FGF14: variants seen among roughly 807,000 people sequenced by gnomAD.
The protein encoded by FGF14 is fibroblast growth factor homologous factor 4.
In FGF14, 5 loss-of-function variants were observed where a neutral mutation model predicts 25.5. That is an observed-to-expected ratio of 0.20 (90% CI 0.10 to 0.41). The LOEUF is 0.41. Among genes scored for constraint, FGF14 ranks in the 10% least tolerant of loss-of-function variants. FGF14 has a pLI of 1.00. For missense variants in FGF14, 222 were observed against 320.1 expected (o/e 0.69, Z 2.34); for synonymous variants, 138 against 118.3 (o/e 1.17, Z -1.08).
intron 3 of FGF14, among the ~76,000 whole-genome samples, chr13:101,805,748 G>A (rs1187247386): frequency 1.3e-5 from 2 of 151,970 alleles, no homozygotes; most frequent in Non-Finnish European, 2.9e-5. Context: ...CTTCCCACAA[G>A]CAGGTTAACT....
chr13:101,894,511 C>G (rs2030314423), intron 1 of FGF14, among the ~76,000 whole-genome samples: 1 of 152,128 alleles, frequency 6.6e-6, no homozygotes, highest in African/African-American at 2.4e-5. Context: ...ACACAAAGTC[C>G]TGCCCCACAC....
chr13:101,824,698 G>A (rs1325752318), intron 3 of FGF14, among the ~76,000 whole-genome samples: 1 of 152,162 alleles, frequency 6.6e-6, no homozygotes, highest in Non-Finnish European at 1.5e-5. Context: ...CTCCTGAATA[G>A]TCTTAGGATG....
At chr13:102,040,327 C>CT (rs1400907099) in intron 1 of FGF14, among the ~76,000 whole-genome samples, 5 of 152,086 alleles carry the variant, frequency 3.3e-5, no homozygotes, top group Non-Finnish European at 7.4e-5. Flanking sequence ...TCATATTTGT[C>CT]TTTTTTTCTC....
At chr13:102,098,273 T>C (rs1256324240) in intron 1 of FGF14, among the ~76,000 whole-genome samples, 2 of 152,228 alleles carry the variant, frequency 1.3e-5, no homozygotes, top group Non-Finnish European at 2.9e-5. Flanking sequence ...TAGCACTCCA[T>C]TTCTAGAAAG....
At chr13:101,908,192 A>C (rs1197325360) in intron 1 of FGF14, among the ~76,000 whole-genome samples, 1 of 152,190 alleles carries the variant, frequency 6.6e-6, no homozygotes, top group Non-Finnish European at 1.5e-5. Context: ...CTGTGAATTT[A>C]AAGTAGGACC....
chr13:102,194,417 G>A (rs528456056), intron 1 of FGF14, among the ~76,000 whole-genome samples: 4 of 121,556 alleles, frequency 3.3e-5, no homozygotes, highest in South Asian at 2.8e-4. Flanking sequence ...TATTTATCCT[G>A]ATACTCTCCC....
intron 1 of FGF14, among the ~76,000 whole-genome samples, chr13:102,274,538 A>C (rs1260926084): frequency 2.0e-5 from 3 of 152,202 alleles, no homozygotes; most frequent in Non-Finnish European, 4.4e-5. Context: ...TGCAGGTTGC[A>C]GGTGATGAAT....
intron 1 of FGF14, among the ~76,000 whole-genome samples, chr13:101,876,365 C>T (rs533926945): frequency 1.3e-5 from 2 of 152,304 alleles, no homozygotes; most frequent in Non-Finnish European, 2.9e-5. Context: ...TCGAAACAGT[C>T]GGACGTTACT....
At chr13:101,841,319 T>C (rs1334720152) in intron 3 of FGF14, among the ~76,000 whole-genome samples, 1 of 151,976 alleles carries the variant, frequency 6.6e-6, no homozygotes, top group Non-Finnish European at 1.5e-5. Flanking sequence ...TGGCCACCGA[T>C]TGAACTGAAA....
chr13:101,826,929 A>G (rs2042420665), intron 3 of FGF14, among the ~76,000 whole-genome samples: 1 of 152,000 alleles, frequency 6.6e-6, no homozygotes, highest in African/African-American at 2.4e-5. Flanking sequence ...CTCGGTAGTC[A>G]CAGCAATAAC....
intron 1 of FGF14, among the ~76,000 whole-genome samples, chr13:102,140,284 T>C (rs1209930827): frequency 6.6e-6 from 1 of 152,194 alleles, no homozygotes; most frequent in Non-Finnish European, 1.5e-5. Flanking sequence ...ATCTGGTATA[T>C]AGCAGATACT....
intron 1 of FGF14, among the ~76,000 whole-genome samples, chr13:102,128,368 T>A (rs1404342085): frequency 6.6e-6 from 1 of 152,204 alleles, no homozygotes. Context: ...TGGACAAATA[T>A]GCCTGTGGCT....
intron 1 of FGF14, among the ~76,000 whole-genome samples, chr13:102,175,020 A>G (rs2048388458): frequency 6.6e-6 from 1 of 152,208 alleles, no homozygotes; most frequent in South Asian, 2.1e-4. Context: ...TAAAATGTCC[A>G]TACTGCCCAA....
At chr13:102,179,847 AC>A (rs2140741237) in intron 1 of FGF14, among the ~76,000 whole-genome samples, 1 of 152,276 alleles carries the variant, frequency 6.6e-6, no homozygotes, top group South Asian at 2.1e-4. Flanking sequence ...GATTACGTGG[AC>A]CCTAGCTCTT....
chr13:102,258,094 A>T (rs1014633381), intron 1 of FGF14, among the ~76,000 whole-genome samples: 2 of 152,174 alleles, frequency 1.3e-5, no homozygotes, highest in Non-Finnish European at 2.9e-5. Context: ...ATGAGAGCCA[A>T]ACGAAAGGGG....
intron 1 of FGF14, among the ~76,000 whole-genome samples, chr13:102,083,053 C>T (rs183683527): frequency 6.6e-6 from 1 of 152,348 alleles, no homozygotes; most frequent in East Asian, 1.9e-4. Flanking sequence ...TTTCATCCAG[C>T]TTCCACAACC....
chr13:101,732,847 T>C (rs1024846537), intron 3 of FGF14, among the ~76,000 whole-genome samples: 55 of 152,242 alleles, frequency 3.6e-4, no homozygotes, highest in African/African-American at 1.3e-3. Context: ...GGAATTCCCA[T>C]ATTCAGATCC....
chr13:102,392,403 T>A (rs1184285576), intron 1 of FGF14, among the ~76,000 whole-genome samples: 4 of 152,194 alleles, frequency 2.6e-5, no homozygotes, highest in Non-Finnish European at 5.9e-5. Context: ...TTTAAAAAAA[T>A]CATTTTGGCA....
chr13:101,905,034 G>A (rs1426318780), intron 1 of FGF14, among the ~76,000 whole-genome samples: 3 of 152,202 alleles, frequency 2.0e-5, no homozygotes, highest in African/African-American at 7.2e-5. Flanking sequence ...CAAAAGGAAA[G>A]TCTAAGAGAT....
Sources: gnomAD v4.1 joint callset for allele counts (sites outside exome capture counted in the v4.1 genomes callset) on GRCh38, gnomAD v4.1.1 for gene constraint, MANE v1.5 for transcripts, NCBI Gene and HGNC (gene_info 2026-07-23, HGNC 2026-07-21) for gene names.